TMEM132C: variants seen among roughly 807,000 people sequenced by gnomAD.
TMEM132C encodes transmembrane protein 132C.
Under a neutral mutation model 61.4 loss-of-function variants are expected in TMEM132C, and 29 were observed. The observed-to-expected ratio is 0.47, with a 90% confidence interval of 0.35 to 0.64. TMEM132C has a LOEUF of 0.64. Ranked by LOEUF, TMEM132C falls within the 30% of genes least tolerant of loss-of-function variation. TMEM132C has a pLI of 0.00. For synonymous variants in TMEM132C, 656 were observed against 633.1 expected, an observed-to-expected ratio of 1.04 and a Z score of -0.54; for missense variants, 1,408 against 1,476.9, an observed-to-expected ratio of 0.95 and a Z score of 0.76.
At chr12:128,506,323 C>T (rs993204726) in intron 2 of TMEM132C, among the ~76,000 whole-genome samples, 1 of 152,140 alleles carries the variant, frequency 6.6e-6, no homozygotes, top group Non-Finnish European at 1.5e-5. Context: ...ACCCTATGAA[C>T]CAGAAAAACA....
chr12:128,610,789 C>T (rs1219709221), intron 3 of TMEM132C, among the ~76,000 whole-genome samples: 4 of 152,150 alleles, frequency 2.6e-5, no homozygotes, highest in East Asian at 1.9e-4. Context: ...GCCAGTACAA[C>T]GTGCATTATG....
chr12:128,471,406 A>G (rs938360425), intron 2 of TMEM132C, among the ~76,000 whole-genome samples: 1 of 152,198 alleles, frequency 6.6e-6, no homozygotes, highest in Non-Finnish European at 1.5e-5. Context: ...CAAAGAATCA[A>G]TTATGGCCCA....
intron 4 of TMEM132C, among the ~76,000 whole-genome samples, chr12:128,655,891 C>T (rs1954321538): frequency 6.6e-6 from 1 of 152,154 alleles, no homozygotes; most frequent in Admixed American, 6.5e-5. Context: ...ATAAGTTAGC[C>T]TTAAGTTTGG....
In TMEM132C at chr12:128,276,225, C is replaced by G. The variant is rs553101329; in HGVS notation, c.85+8738C>G. ...TGGCATATAGTAAAGTTCAATAAAT[C>G]AGGGCCATCATTATTTGTATTATTA... is the stretch of plus-strand genomic sequence containing the variant. On this transcript the variant is annotated intron_variant, in intron 1 of 8. Coordinates refer to ENST00000435159, the MANE Select transcript of TMEM132C (RefSeq NM_001136103.3). Among the ~76,000 whole-genome samples the G allele has an allele frequency of 4.6e-5, 7 of 152,218 alleles. No homozygotes were observed. In the South Asian group the frequency reaches 1.5e-3, roughly 32 times the overall value.
chr12:128,618,427 T>C (rs962182839), intron 4 of TMEM132C, among the ~76,000 whole-genome samples: 11 of 152,356 alleles, frequency 7.2e-5, no homozygotes, highest in African/African-American at 2.6e-4. Flanking sequence ...CAAAAGTTCA[T>C]TGATAAACAA....
chr12:128,662,797 A>G (rs2135622140), intron 4 of TMEM132C, among the ~76,000 whole-genome samples: 1 of 152,092 alleles, frequency 6.6e-6, no homozygotes, highest in Non-Finnish European at 1.5e-5. Context: ...AGCCACATGG[A>G]TTGAGAGAGG....
At chr12:128,450,496 A>C (rs1870143667) in intron 2 of TMEM132C, among the ~76,000 whole-genome samples, 1 of 152,234 alleles carries the variant, frequency 6.6e-6, no homozygotes, top group Non-Finnish European at 1.5e-5. Context: ...GACCAATAAA[A>C]TGCCCTAGGC....
chr12:128,388,821 G>T (rs1482335852), intron 1 of TMEM132C, among the ~76,000 whole-genome samples: 1 of 152,246 alleles, frequency 6.6e-6, no homozygotes. Flanking sequence ...CCCTAGTTTT[G>T]ATGCAATAAC....
chr12:128,379,281 A>G (rs1874325838), intron 1 of TMEM132C, among the ~76,000 whole-genome samples: 1 of 152,156 alleles, frequency 6.6e-6, no homozygotes, highest in African/African-American at 2.4e-5. Context: ...TTTCCTGGGT[A>G]ATGTTGGTGC....
chr12:128,659,509 C>CA (rs1268683862), intron 4 of TMEM132C, among the ~76,000 whole-genome samples: 10 of 152,204 alleles, frequency 6.6e-5, no homozygotes, highest in African/African-American at 2.4e-4. Context: ...CGCAAGCCCC[C>CA]AGAGGAGACC....
intron 5 of TMEM132C, among the ~76,000 whole-genome samples, chr12:128,673,632 C>T (rs1954556358): frequency 6.6e-6 from 1 of 152,226 alleles, no homozygotes; most frequent in Admixed American, 6.5e-5. Flanking sequence ...AGTCTATGCT[C>T]TGTTTGTACA....
intron 3 of TMEM132C, among the ~76,000 whole-genome samples, chr12:128,554,736 C>T (rs908046054): frequency 3.3e-5 from 5 of 152,196 alleles, no homozygotes; most frequent in African/African-American, 7.2e-5. Context: ...TTTCACCACA[C>T]GAGCCCTCCT....
At chr12:128,484,011 A>G (rs1871401636) in intron 2 of TMEM132C, among the ~76,000 whole-genome samples, 1 of 148,148 alleles carries the variant, frequency 6.8e-6, no homozygotes, top group South Asian at 2.1e-4. Context: ...ATGTTCCTCC[A>G]GTCTCTTCCA....
intron 1 of TMEM132C, among the ~76,000 whole-genome samples, chr12:128,316,067 A>C (rs1026969365): frequency 1.3e-5 from 2 of 152,000 alleles, no homozygotes; most frequent in Admixed American, 6.6e-5. Flanking sequence ...GACAGATTGA[A>C]GTGCATTTAG....
intron 2 of TMEM132C, among the ~76,000 whole-genome samples, chr12:128,440,058 G>A (rs1193360938): frequency 6.6e-6 from 1 of 152,148 alleles, no homozygotes; most frequent in Non-Finnish European, 1.5e-5. Flanking sequence ...TTGAAGGGAG[G>A]AAATGTCTAC....
intron 1 of TMEM132C, among the ~76,000 whole-genome samples, chr12:128,350,521 C>A (rs1873306462): frequency 6.6e-6 from 1 of 152,126 alleles, no homozygotes; most frequent in South Asian, 2.1e-4. Context: ...ACAGATAGTG[C>A]AAAAGCCCAG....
intron 2 of TMEM132C, among the ~76,000 whole-genome samples, chr12:128,471,976 C>A (rs2136081294): frequency 6.6e-6 from 1 of 152,262 alleles, no homozygotes; most frequent in African/African-American, 2.4e-5. Context: ...TCTCGGTTCC[C>A]TAAAAATCAA....
At chr12:128,449,017 G>A (rs1870088251) in intron 2 of TMEM132C, among the ~76,000 whole-genome samples, 3 of 151,444 alleles carry the variant, frequency 2.0e-5, no homozygotes, top group Admixed American at 2.0e-4. Context: ...GGCACCTGTA[G>A]TCCCAGCTAC....
chr12:128,582,191 A>G (rs1308584525), intron 3 of TMEM132C, among the ~76,000 whole-genome samples: 2 of 152,384 alleles, frequency 1.3e-5, no homozygotes, highest in Non-Finnish European at 2.9e-5. Flanking sequence ...GGCAAGCACT[A>G]TGAACAGGCA....
Sources: allele counts gnomAD v4.1 joint callset (sites outside exome capture counted in the v4.1 genomes callset), GRCh38; gene constraint gnomAD v4.1.1; transcripts MANE v1.5; gene names NCBI Gene and HGNC (gene_info 2026-07-23, HGNC 2026-07-21).